Variants in DPYD observed in about 807,000 individuals in gnomAD.
DPYD encodes the protein dihydropyrimidine dehydrogenase [NADP(+)].
Under a neutral mutation model 116.2 loss-of-function variants are expected in DPYD, and 109 were observed. That is an observed-to-expected ratio of 0.94 (90% confidence interval 0.80 to 1.10). The LOEUF is 1.10. DPYD is among the 50% of genes least tolerant of loss of function. DPYD has a pLI of 0.00. For missense variants in DPYD, 1,302 were observed against 1,254.5 expected (o/e 1.04, Z -0.57); for synonymous variants, 440 against 432.0 (o/e 1.02, Z -0.23).
intron 2 of DPYD, among the ~76,000 whole-genome samples, chr1:97,859,230 T>C (rs1470990841): frequency 6.6e-6 from 1 of 152,208 alleles, no homozygotes; most frequent in Non-Finnish European, 1.5e-5. Flanking sequence ...CTCTATGGTA[T>C]GATTGTGTTG....
chr1:97,514,745 A>AT (rs1431252952), intron 13 of DPYD, among the ~76,000 whole-genome samples: 3 of 151,500 alleles, frequency 2.0e-5, no homozygotes, highest in Non-Finnish European at 4.4e-5. Context: ...AATTCTCTAG[A>AT]TTTTCCTGAC....
chr1:97,906,201 A>C (rs754710119), intron 1 of DPYD, among the ~76,000 whole-genome samples: 1 of 152,076 alleles, frequency 6.6e-6, no homozygotes, highest in Non-Finnish European at 1.5e-5. Context: ...CTGGATATTG[A>C]GGTGAAGGTG....
At chr1:97,870,018 C>T (rs924757804) in intron 2 of DPYD, among the ~76,000 whole-genome samples, 1 of 151,848 alleles carries the variant, frequency 6.6e-6, no homozygotes, top group African/African-American at 2.4e-5. Flanking sequence ...CCCCTACATA[C>T]ATTACACATA....
intron 14 of DPYD, among the ~76,000 whole-genome samples, chr1:97,430,923 T>C (rs1675143782): frequency 6.6e-6 from 1 of 151,920 alleles, no homozygotes; most frequent in South Asian, 2.1e-4. Flanking sequence ...AAGTGGAGCC[T>C]GAGTTCAGAA....
chr1:97,614,453 T>C (rs540701342), intron 8 of DPYD, among the ~76,000 whole-genome samples: 63 of 152,170 alleles, frequency 4.1e-4, no homozygotes, highest in Admixed American at 7.2e-4. Flanking sequence ...AAATCACACA[T>C]AAATACTTTT....
chr1:97,194,491 G>A (rs1222816184), intron 19 of DPYD, among the ~76,000 whole-genome samples: 3 of 151,814 alleles, frequency 2.0e-5, no homozygotes, highest in African/African-American at 7.3e-5. Flanking sequence ...CCAGTCTCAG[G>A]TATATCTTTT....
intron 3 of DPYD, among the ~76,000 whole-genome samples, chr1:97,821,767 T>C (rs1290846716): frequency 8.5e-5 from 13 of 152,160 alleles, no homozygotes; most frequent in African/African-American, 2.9e-4. Flanking sequence ...ACATTACACA[T>C]GTAATTCTTG....
intron 20 of DPYD, among the ~76,000 whole-genome samples, chr1:97,162,172 G>A (rs1557902725): frequency 6.6e-6 from 1 of 152,100 alleles, no homozygotes; most frequent in Non-Finnish European, 1.5e-5. Context: ...GGTTGAACTA[G>A]TTTACAGTCC....
At chr1:97,745,732 C>T (rs1406456700) in intron 3 of DPYD, among the ~76,000 whole-genome samples, 1 of 152,040 alleles carries the variant, frequency 6.6e-6, no homozygotes, top group South Asian at 2.1e-4. Context: ...ATAGATGAGG[C>T]TCCAGTCATC....
At chr1:97,450,297 C>T in intron 13 of DPYD, 74 bp from the exon 14 acceptor site, 1 of 1,521,344 alleles carries the variant, frequency 6.6e-7, no homozygotes, top group Non-Finnish European at 9.0e-7. Flanking sequence ...TGCTCATTTC[C>T]ATATGACAAT....
At chr1:97,649,515 T>G (rs1658463021) in intron 8 of DPYD, among the ~76,000 whole-genome samples, 1 of 152,100 alleles carries the variant, frequency 6.6e-6, no homozygotes, top group Admixed American at 6.6e-5. Flanking sequence ...TGAATGATTT[T>G]GTGGTTGGAA....
intron 11 of DPYD, among the ~76,000 whole-genome samples, chr1:97,556,239 G>T (rs188811609): frequency 2.9e-4 from 44 of 152,228 alleles, no homozygotes; most frequent in African/African-American, 9.6e-4. Context: ...AAGTCTTTTA[G>T]CCTGGCTTCT....
Position 97,376,013 on chromosome 1 carries a change from G to A in DPYD, c.1975-2369C>T, listed in dbSNP as rs4950029. On this transcript the variant is annotated intron_variant, in intron 15 of 22. Transcript: ENST00000370192. ...CACAATAATAGCTTACATTAATTGA[G>A]CATTTACAATATGCCAGATACTTTA... Among the ~76,000 whole-genome samples, 1,330 of 152,212 alleles carry A rather than the reference G, an allele frequency of 8.7e-3. 39 individuals carry two copies. Among genetic ancestry groups the A allele is most frequent in the Admixed American group, 0.056 (853 of 15,292 alleles).
chr1:97,357,681 C>T (rs569306183), intron 16 of DPYD, among the ~76,000 whole-genome samples: 2 of 152,262 alleles, frequency 1.3e-5, no homozygotes, highest in Admixed American at 6.5e-5. Context: ...ATACCTTAAC[C>T]CTTTTCCACC....
At chr1:97,745,861 G>A (rs1327610215) in intron 3 of DPYD, among the ~76,000 whole-genome samples, 1 of 152,040 alleles carries the variant, frequency 6.6e-6, no homozygotes, top group Non-Finnish European at 1.5e-5. Context: ...ATTTTAAAAG[G>A]TGGTGTTCTA....
chr1:97,091,232 T>A (rs1200219427), intron 21 of DPYD, among the ~76,000 whole-genome samples: 1 of 151,756 alleles, frequency 6.6e-6, no homozygotes, highest in East Asian at 1.9e-4. Context: ...TGTCATGGAG[T>A]TTAAACTATC....
At chr1:97,714,210 C>T (rs1662468542) in intron 5 of DPYD, among the ~76,000 whole-genome samples, 1 of 151,744 alleles carries the variant, frequency 6.6e-6, no homozygotes, top group African/African-American at 2.4e-5. Flanking sequence ...CATAGACCCC[C>T]CCTTTTTATT....
At chr1:97,185,061 A>T (rs1199708291) in intron 20 of DPYD, among the ~76,000 whole-genome samples, 1 of 152,178 alleles carries the variant, frequency 6.6e-6, no homozygotes, top group Non-Finnish European at 1.5e-5. Context: ...GCTGAAGGCC[A>T]TTATTATGAT....
chr1:97,657,801 C>G (rs963702069), intron 8 of DPYD, among the ~76,000 whole-genome samples: 5 of 152,240 alleles, frequency 3.3e-5, no homozygotes, highest in South Asian at 2.1e-4. Context: ...TATTATATAA[C>G]TAGCAGAAAA....
Sources: allele counts gnomAD v4.1 joint callset (sites outside exome capture counted in the v4.1 genomes callset), GRCh38; gene constraint gnomAD v4.1.1; transcripts MANE v1.5; gene names NCBI Gene and HGNC (gene_info 2026-07-23, HGNC 2026-07-21).